C6orf89: variants seen among roughly 807,000 people sequenced by gnomAD.
C6orf89 encodes bombesin receptor-activated protein C6orf89.
Under a neutral mutation model 40.7 loss-of-function variants are expected in C6orf89, and 29 were observed. The ratio of observed to expected loss-of-function variants is 0.71; its 90% CI spans 0.53 to 0.97. The LOEUF is 0.97. Among genes scored for constraint, C6orf89 ranks in the 50% least tolerant of loss-of-function variants. C6orf89 has a pLI of 0.00. For missense variants in C6orf89, 392 were observed against 429.1 expected, an observed-to-expected ratio of 0.91 and a Z score of 0.76; for synonymous variants, 165 against 152.2, an observed-to-expected ratio of 1.08 and a Z score of -0.62.
chr6:36,875,496 G>GA (rs777220705), intron 1 of C6orf89, among the ~76,000 whole-genome samples: 21 of 152,262 alleles, frequency 1.4e-4, no homozygotes, highest in Non-Finnish European at 1.0e-4. Flanking sequence ...GCAAGAACAA[G>GA]GCTTAACATT....
At chr6:36,903,566 TCTC>T (rs1381370925) in intron 4 of C6orf89, among the ~76,000 whole-genome samples, 1 of 152,118 alleles carries the variant, frequency 6.6e-6, no homozygotes, top group Non-Finnish European at 1.5e-5. Context: ...TTCACGCCAT[TCTC>T]CTGCCTCAGC....
At chr6:36,885,325 G>A (rs1301418201), upstream of C6orf89, among the ~76,000 whole-genome samples, 1 of 152,104 alleles carries the variant, frequency 6.6e-6, no homozygotes, top group South Asian at 2.1e-4. Flanking sequence ...CCTTACTTCC[G>A]ATTCCTGTGC....
intron 8 of C6orf89, among the ~76,000 whole-genome samples, chr6:36,920,947 C>T (rs910791886): frequency 1.3e-5 from 2 of 151,166 alleles, no homozygotes; most frequent in African/African-American, 2.5e-5. Flanking sequence ...CACGAGCAAC[C>T]GGAATACCAA....
Position 36,916,522 on chromosome 6 carries a change from C to G in C6orf89, c.773C>G (p.Ala258Gly). 1 of 1,614,200 alleles carries G rather than the reference C, an allele frequency of 6.2e-7. No homozygotes were observed. Among genetic ancestry groups the G allele is most frequent in the African/African-American group, 1.3e-5 (1 of 75,070 alleles). The change falls in exon 7 of 9, where the codon GCC (alanine) becomes GGC (glycine). Residue 258 changes from alanine (A) to glycine (G), a missense_variant. By Grantham distance (60) the Ala-to-Gly change is moderately conservative. Coordinates refer to ENST00000480824, the MANE Select transcript of C6orf89 (RefSeq NM_001286635.2). Reference sequence around the variant, plus strand: ...ACTCACCTGCCATTTCCAAAAGATGCCTCTTTAAACAAGTGCTCCTTTCTT... The same window carrying G: ...ACTCACCTGCCATTTCCAAAAGATGGCTCTTTAAACAAGTGCTCCTTTCTT... ...VFTHLPFPKD[A>G]SLNKCSFLHP...
rs777047742 is a variant in C6orf89, at chr6:36,919,704, A to G, written c.949+3A>G. The G allele has an allele frequency of 6.2e-7, 1 of 1,608,260 alleles. No individual in the cohort carries two copies. Among genetic ancestry groups the G allele is most frequent in the Non-Finnish European group, 8.5e-7 (1 of 1,176,460 alleles). ...GCCAATAGAGCCAGGGGATATCGGT[A>G]TGTAGGGCCCCAGGAGGGCAGGGTC... On this transcript the variant is annotated splice_donor_region_variant and intron_variant, in intron 8 of 8. Coordinates refer to ENST00000480824, the MANE Select transcript of C6orf89 (RefSeq NM_001286635.2).
At chr6:36,880,294 C>T (rs1042151308) in intron 2 of C6orf89, among the ~76,000 whole-genome samples, 1 of 152,176 alleles carries the variant, frequency 6.6e-6, no homozygotes, top group African/African-American at 2.4e-5. Context: ...ACAGGAGGCA[C>T]CAGAAACCCT....
chr6:36,899,307 G>C, intron 2 of C6orf89, 119 bp from the exon 3 acceptor site: 1 of 746,808 alleles, frequency 1.3e-6, no homozygotes, highest in Non-Finnish European at 2.3e-6. Flanking sequence ...TTGGTCTGTA[G>C]AGGATTGAGG....
At chr6:36,882,129 G>A (rs1774830536), upstream of C6orf89, among the ~76,000 whole-genome samples, 1 of 152,014 alleles carries the variant, frequency 6.6e-6, no homozygotes, top group Non-Finnish European at 1.5e-5. Flanking sequence ...GATCTTGTTT[G>A]GAAAGCTGAG....
upstream of C6orf89, among the ~76,000 whole-genome samples, chr6:36,880,872 A>C (rs890105253): frequency 2.6e-5 from 4 of 152,252 alleles, no homozygotes; most frequent in Non-Finnish European, 4.4e-5. Flanking sequence ...GCAAGTCAGA[A>C]AGTCTAAACA....
At chr6:36,874,265 G>T (rs1278143137) in intron 1 of C6orf89, among the ~76,000 whole-genome samples, 10 of 152,204 alleles carry the variant, frequency 6.6e-5, no homozygotes, top group Non-Finnish European at 1.2e-4. Flanking sequence ...GGGAAAATGT[G>T]CTTCTTCCTG....
chr6:36,910,309 A>G (rs1458828834), intron 4 of C6orf89, among the ~76,000 whole-genome samples: 1 of 152,226 alleles, frequency 6.6e-6, no homozygotes, highest in African/African-American at 2.4e-5. Flanking sequence ...TAATCAATCT[A>G]GAATTTAATT....
intron 2 of C6orf89, among the ~76,000 whole-genome samples, chr6:36,880,108 G>A (rs959263996): frequency 7.2e-5 from 11 of 152,090 alleles, no homozygotes; most frequent in Non-Finnish European, 1.5e-4. Flanking sequence ...CCTTCCTCGA[G>A]CACCTAGGAA....
At chr6:36,901,499 T>C (rs1376466161) in intron 3 of C6orf89, among the ~76,000 whole-genome samples, 1 of 146,012 alleles carries the variant, frequency 6.8e-6, no homozygotes. Context: ...CACATCCGGC[T>C]AATTTTTTGT....
chr6:36,919,010 G>A (rs972088860), intron 7 of C6orf89, among the ~76,000 whole-genome samples: 1 of 152,212 alleles, frequency 6.6e-6, no homozygotes, highest in African/African-American at 2.4e-5. Context: ...GCCAGGCAGT[G>A]TAAACTTAAA....
At chr6:36,919,210 G>A (rs564637364) in intron 7 of C6orf89, among the ~76,000 whole-genome samples, 1 of 152,200 alleles carries the variant, frequency 6.6e-6, no homozygotes. Context: ...ATTGCAATTA[G>A]GTATTTTTCT....
intron 4 of C6orf89, among the ~76,000 whole-genome samples, chr6:36,913,447 T>C (rs986328699): frequency 1.3e-5 from 2 of 152,218 alleles, no homozygotes; most frequent in African/African-American, 2.4e-5. Flanking sequence ...CTTTTCTCAC[T>C]CTTCCTTCCC....
At chr6:36,882,473 G>A (rs979037292), upstream of C6orf89, among the ~76,000 whole-genome samples, 1 of 152,218 alleles carries the variant, frequency 6.6e-6, no homozygotes, top group Admixed American at 6.5e-5. Context: ...GACTCATGAA[G>A]AACCAGGATG....
chr6:36,913,828 T>C (rs1762212712), intron 4 of C6orf89, among the ~76,000 whole-genome samples: 1 of 148,102 alleles, frequency 6.8e-6, no homozygotes, highest in Admixed American at 6.7e-5. Flanking sequence ...ATACCTTACC[T>C]TTTCAGCGGT....
chr6:36,872,394 A>G (rs1774530216), intron 1 of C6orf89, among the ~76,000 whole-genome samples: 1 of 152,164 alleles, frequency 6.6e-6, no homozygotes. Context: ...TACATTACCT[A>G]TTCAAAAAAT....
Sources: allele counts gnomAD v4.1 joint callset (sites outside exome capture counted in the v4.1 genomes callset), GRCh38; gene constraint gnomAD v4.1.1; transcripts MANE v1.5; gene names NCBI Gene and HGNC (gene_info 2026-07-23, HGNC 2026-07-21).